PKIB: variants seen among roughly 807,000 people sequenced by gnomAD.
PKIB encodes cAMP-dependent protein kinase inhibitor beta, also known as PKI-beta.
In PKIB, 2 loss-of-function variants were observed where a neutral mutation model predicts 4.5. The observed-to-expected ratio is 0.44, with a 90% confidence interval of 0.18 to 1.39. PKIB has a LOEUF of 1.39. Among genes scored for constraint, PKIB ranks in the 40% most tolerant of loss-of-function variants. The pLI, the probability that PKIB is intolerant of heterozygous loss-of-function variation, is 0.27. For missense variants in PKIB, 94 were observed against 92.6 expected (o/e 1.02, Z -0.06); for synonymous variants, 38 against 36.0 (o/e 1.06, Z -0.20).
chr6:122,591,065 A>G (rs1774004658), intron 3 of PKIB, among the ~76,000 whole-genome samples: 1 of 151,980 alleles, frequency 6.6e-6, no homozygotes, highest in African/African-American at 2.4e-5. Context: ...CTGATTTCAG[A>G]CATCTGACAG....
At chr6:122,703,922 G>GTGTATA (rs757902432) in intron 3 of PKIB, among the ~76,000 whole-genome samples, 1 of 133,452 alleles carries the variant, frequency 7.5e-6, no homozygotes, top group South Asian at 2.6e-4. Flanking sequence ...ATATATGTGT[G>GTGTATA]TATATATATA....
chr6:122,472,706 T>C (rs1369132681), intron 1 of PKIB, among the ~76,000 whole-genome samples: 2 of 152,210 alleles, frequency 1.3e-5, no homozygotes, highest in Non-Finnish European at 1.5e-5. Context: ...TCTGGAAGAA[T>C]GTCAGAATCC....
intron 2 of PKIB, among the ~76,000 whole-genome samples, chr6:122,532,630 G>A (rs112716199): frequency 2.6e-5 from 4 of 152,258 alleles, no homozygotes; most frequent in African/African-American, 9.6e-5. Flanking sequence ...GTATTTGTTT[G>A]TGAGTAGTTT....
At chr6:122,709,986 A>G (rs979111614) in intron 3 of PKIB, among the ~76,000 whole-genome samples, 1 of 152,164 alleles carries the variant, frequency 6.6e-6, no homozygotes, top group Non-Finnish European at 1.5e-5. Flanking sequence ...CTATTTTAAT[A>G]CTGAATAACT....
rs73549354 is a variant in PKIB, at chr6:122,570,098, G to C, written c.-247-15823G>C. On this transcript the variant is annotated intron_variant, in intron 2 of 6. Coordinates refer to the PKIB transcript ENST00000392491. ...TCCCCACAGGAAGAGCACTTTCCAG[G>C]TCAGGCTTTCATGAGAGGCAGAGTC... Among the ~76,000 whole-genome samples, 364 of 152,272 alleles carry C rather than the reference G, an allele frequency of 2.4e-3. 1 individual carries two copies. Among genetic ancestry groups the C allele is most frequent in the African/African-American group, 8.4e-3 (351 of 41,548 alleles).
At chr6:122,687,392 A>T (rs1323455523) in intron 3 of PKIB, among the ~76,000 whole-genome samples, 1 of 152,144 alleles carries the variant, frequency 6.6e-6, no homozygotes, top group Admixed American at 6.5e-5. Context: ...ATTTGAAGTC[A>T]GGTCATGTGA....
chr6:122,568,905 C>T (rs915848648), intron 2 of PKIB, among the ~76,000 whole-genome samples: 23 of 152,114 alleles, frequency 1.5e-4, no homozygotes, highest in African/African-American at 5.3e-4. Flanking sequence ...TGCAGACTGC[C>T]TGGATCTTAA....
At chr6:122,481,777 G>A (rs1229228853) in intron 2 of PKIB, 1 of 152,112 alleles carries the variant, frequency 6.6e-6, no homozygotes, top group Non-Finnish European at 1.5e-5. Context: ...ATTTTGTACA[G>A]TGTTTGCAAC....
chr6:122,494,057 C>T (rs118016752), intron 2 of PKIB, among the ~76,000 whole-genome samples: 307 of 152,238 alleles, frequency 2.0e-3, no homozygotes, highest in Admixed American at 3.9e-3. Flanking sequence ...TTTGAAAAAC[C>T]TATTAGTAAT....
intron 2 of PKIB, among the ~76,000 whole-genome samples, chr6:122,646,779 A>C (rs981789517): frequency 2.0e-5 from 3 of 152,200 alleles, no homozygotes; most frequent in African/African-American, 7.2e-5. Flanking sequence ...CTTTGGGGCA[A>C]GTAGTTTATT....
chr6:122,552,450 C>G (rs1043610836), intron 2 of PKIB, among the ~76,000 whole-genome samples: 2 of 152,126 alleles, frequency 1.3e-5, no homozygotes, highest in Non-Finnish European at 2.9e-5. Context: ...GATCTTGGCT[C>G]ACTACAACCT....
chr6:122,663,073 G>A (rs1053889815), intron 2 of PKIB, among the ~76,000 whole-genome samples: 3 of 152,130 alleles, frequency 2.0e-5, no homozygotes, highest in African/African-American at 7.2e-5. Flanking sequence ...TCTTTTCAGT[G>A]TGTTGAAACT....
At chr6:122,623,159 TATTTGAG>T (rs535020523) in intron 1 of PKIB, among the ~76,000 whole-genome samples, 7 of 152,210 alleles carry the variant, frequency 4.6e-5, no homozygotes, top group Non-Finnish European at 8.8e-5. Context: ...TTGCCACTAA[TATTTGAG>T]ATATTCTTTG....
chr6:122,519,239 T>C (rs1776861439), intron 2 of PKIB, among the ~76,000 whole-genome samples: 1 of 152,132 alleles, frequency 6.6e-6, no homozygotes, highest in Non-Finnish European at 1.5e-5. Context: ...TTGTGCCTTC[T>C]TATGAGATTC....
At chr6:122,701,855 C>T (rs1008625942) in intron 3 of PKIB, among the ~76,000 whole-genome samples, 1 of 152,158 alleles carries the variant, frequency 6.6e-6, no homozygotes, top group Non-Finnish European at 1.5e-5. Context: ...ACTGGTCATA[C>T]ATACCACCAA....
chr6:122,707,967 T>C (rs889472272), intron 3 of PKIB, among the ~76,000 whole-genome samples: 1 of 12,404 alleles, frequency 8.1e-5, no homozygotes, highest in Non-Finnish European at 1.9e-4. Context: ...AGAAAAAAAA[T>C]TCATGTTGAA....
At position 122,623,166 on chromosome 6, in the gene PKIB, G is replaced by A. The variant is rs563448801; in HGVS notation, c.-160-10117G>A. Reference sequence around the variant, plus strand: ...AAAAGAATTTGCCACTAATATTTGAGATATTCTTTGAATTTTCTTTCTGTG... The same window carrying A: ...AAAAGAATTTGCCACTAATATTTGAAATATTCTTTGAATTTTCTTTCTGTG... On this transcript the variant is annotated intron_variant, in intron 1 of 4. Transcript: ENST00000368452. Among the ~76,000 whole-genome samples, 9 of 152,222 alleles carry A rather than the reference G, an allele frequency of 5.9e-5. No individual in the cohort carries two copies. The South Asian group carries it at 1.9e-3, about 32-fold the overall frequency.
intron 2 of PKIB, among the ~76,000 whole-genome samples, chr6:122,649,708 G>A (rs1227187814): frequency 1.3e-5 from 2 of 152,174 alleles, no homozygotes; most frequent in Admixed American, 1.3e-4. Context: ...AGATTTCATA[G>A]TAACTTGGTG....
intron 3 of PKIB, among the ~76,000 whole-genome samples, chr6:122,703,153 A>G (rs1365149225): frequency 1.3e-5 from 2 of 152,222 alleles, no homozygotes; most frequent in Non-Finnish European, 2.9e-5. Flanking sequence ...ATTTTAATGC[A>G]TCGTGTATAA....
Sources: allele counts gnomAD v4.1 joint callset (sites outside exome capture counted in the v4.1 genomes callset), GRCh38; gene constraint gnomAD v4.1.1; transcripts MANE v1.5; gene names NCBI Gene and HGNC (gene_info 2026-07-23, HGNC 2026-07-21).